Variants in AGBL1 observed in about 807,000 individuals in gnomAD.
AGBL1 encodes cytosolic carboxypeptidase 4.
Under a neutral mutation model 118.9 loss-of-function variants are expected in AGBL1, and 130 were observed. The observed-to-expected ratio is 1.09, with a 90% CI of 0.95 to 1.26. The LOEUF (loss-of-function observed/expected upper bound fraction) is 1.26. Among genes scored for constraint, AGBL1 ranks in the 50% most tolerant of loss-of-function variants. The probability of loss-of-function intolerance (pLI) is 0.00; values close to 1 mark genes in which losing one functional copy is unlikely to be tolerated. For synonymous variants in AGBL1, 555 were observed against 478.9 expected (o/e 1.16, Z -2.08); for missense variants, 1,584 against 1,298.1 (o/e 1.22, Z -3.38).
At chr15:86,955,057 T>C (rs1428102673) in intron 23 of AGBL1, among the ~76,000 whole-genome samples, 2 of 152,056 alleles carry the variant, frequency 1.3e-5, no homozygotes. Flanking sequence ...ATTTCTCCCC[T>C]CCAGAACTTT....
intron 22 of AGBL1, among the ~76,000 whole-genome samples, chr15:86,827,301 ATG>A (rs200953684): frequency 0.26 from 4,195 of 16,162 alleles, 1,579 homozygotes; most frequent in East Asian, 0.83. Flanking sequence ...GTATATATAT[ATG>A]TATATATATA....
intron 22 of AGBL1, among the ~76,000 whole-genome samples, chr15:86,771,004 C>T (rs911724178): frequency 6.6e-6 from 1 of 151,994 alleles, no homozygotes. Context: ...ACTTCCAGGC[C>T]TCACTCGTAA....
chr15:86,837,410 C>T (rs1031989419), intron 22 of AGBL1, among the ~76,000 whole-genome samples: 3 of 152,092 alleles, frequency 2.0e-5, no homozygotes, highest in East Asian at 1.9e-4. Flanking sequence ...AGCCTCCAGG[C>T]CAAATTTGGC....
At chr15:86,998,941 C>T (rs1320411242) in intron 24 of AGBL1, among the ~76,000 whole-genome samples, 1 of 150,978 alleles carries the variant, frequency 6.6e-6, no homozygotes, top group Non-Finnish European at 1.5e-5. Flanking sequence ...TATACATGTG[C>T]CATGTTGGTG....
intron 17 of AGBL1, among the ~76,000 whole-genome samples, chr15:86,334,983 A>G (rs2080340049): frequency 6.6e-6 from 1 of 152,214 alleles, no homozygotes. Context: ...CATTGAAATT[A>G]AAACCATGGT....
intron 5 of AGBL1, among the ~76,000 whole-genome samples, chr15:86,218,599 A>G (rs537581258): frequency 2.0e-5 from 3 of 152,296 alleles, no homozygotes; most frequent in South Asian, 2.1e-4. Flanking sequence ...ATTATATTAC[A>G]TAATTGTGTT....
intron 17 of AGBL1, chr15:86,312,250 C>A (rs1423757201): frequency 6.6e-6 from 1 of 152,186 alleles, no homozygotes; most frequent in Non-Finnish European, 1.5e-5. Flanking sequence ...GTGGCAATTT[C>A]CAATTTGTTG....
At chr15:86,870,454 CAAAAAAAAAAAAAAA>C (rs770556494) in intron 22 of AGBL1, among the ~76,000 whole-genome samples, 4 of 64,118 alleles carry the variant, frequency 6.2e-5, no homozygotes, top group South Asian at 6.8e-4. Context: ...AAGCATACTG[CAAAAAAAAAAAAAAA>C]AAAAAAAAAA....
chr15:86,930,505 G>A (rs1437279003), intron 23 of AGBL1, among the ~76,000 whole-genome samples: 1 of 152,026 alleles, frequency 6.6e-6, no homozygotes, highest in Non-Finnish European at 1.5e-5. Flanking sequence ...CCTCTGAGAT[G>A]CTTACTTAGA....
chr15:86,636,038 A>G (rs770570418), intron 21 of AGBL1, among the ~76,000 whole-genome samples: 34 of 152,144 alleles, frequency 2.2e-4, no homozygotes, highest in Non-Finnish European at 4.0e-4. Context: ...CTCACCATGA[A>G]CTAAATAGAT....
intron 22 of AGBL1, among the ~76,000 whole-genome samples, chr15:86,680,691 T>C (rs1346454236): frequency 6.6e-6 from 1 of 151,150 alleles, no homozygotes; most frequent in Middle Eastern, 3.2e-3. Flanking sequence ...CTTAGTCTCT[T>C]GAGTAGCTGG....
At chr15:86,123,723 G>A (rs1898231491) in intron 1 of AGBL1, among the ~76,000 whole-genome samples, 1 of 152,208 alleles carries the variant, frequency 6.6e-6, no homozygotes, top group African/African-American at 2.4e-5. Flanking sequence ...ATTGATTGAT[G>A]TCTTATGTCT....
At chr15:86,098,294 G>T (rs1448208378) in intron 1 of AGBL1, among the ~76,000 whole-genome samples, 1 of 151,812 alleles carries the variant, frequency 6.6e-6, no homozygotes, top group Non-Finnish European at 1.5e-5. Flanking sequence ...TTCCTCTTCT[G>T]CACAGCAGCT....
intron 24 of AGBL1, among the ~76,000 whole-genome samples, chr15:87,004,853 G>A (rs2081481763): frequency 6.6e-6 from 1 of 152,126 alleles, no homozygotes; most frequent in Non-Finnish European, 1.5e-5. Context: ...TCCACATTTA[G>A]TGCTTCCTTC....
intron 21 of AGBL1, among the ~76,000 whole-genome samples, chr15:86,577,016 G>A (rs1296341518): frequency 6.6e-6 from 1 of 152,194 alleles, no homozygotes; most frequent in Non-Finnish European, 1.5e-5. Context: ...GGATTCTGCT[G>A]AAAAGATACC....
At chr15:86,490,606 C>G (rs2082766121) in intron 18 of AGBL1, among the ~76,000 whole-genome samples, 1 of 152,058 alleles carries the variant, frequency 6.6e-6, no homozygotes, top group South Asian at 2.1e-4. Context: ...ACAAGTCCAA[C>G]ATGAGGATTT....
intron 5 of AGBL1, among the ~76,000 whole-genome samples, chr15:86,190,253 C>T (rs1322924371): frequency 6.6e-6 from 1 of 151,866 alleles, no homozygotes; most frequent in Non-Finnish European, 1.5e-5. Context: ...AAATAAATTG[C>T]TCTGTTAAAG....
intron 24 of AGBL1, among the ~76,000 whole-genome samples, chr15:87,023,523 C>G (rs2081691044): frequency 6.6e-6 from 1 of 151,962 alleles, no homozygotes; most frequent in Non-Finnish European, 1.5e-5. Flanking sequence ...GACAGCAACA[C>G]AATAATAGTG....
chr15:86,539,363 T>A (rs2083465000), intron 19 of AGBL1, among the ~76,000 whole-genome samples: 1 of 152,178 alleles, frequency 6.6e-6, no homozygotes, highest in Non-Finnish European at 1.5e-5. Flanking sequence ...ACTTCTTTAC[T>A]CTCACAAAAC....
Sources: allele counts gnomAD v4.1 joint callset (sites outside exome capture counted in the v4.1 genomes callset), GRCh38; gene constraint gnomAD v4.1.1; transcripts MANE v1.5; gene names NCBI Gene and HGNC (gene_info 2026-07-23, HGNC 2026-07-21).